Variants in VWF observed in about 807,000 individuals in gnomAD.
The protein encoded by VWF is Factor VIII related antigen.
In VWF, 176 loss-of-function variants were observed where a neutral mutation model predicts 308.6. The ratio of observed to expected loss-of-function variants is 0.57; its 90% CI spans 0.50 to 0.65. VWF has a LOEUF of 0.65. Ranked by LOEUF, VWF falls within the 30% of genes least tolerant of loss-of-function variation. The pLI, the probability that VWF is intolerant of heterozygous loss-of-function variation, is 0.00. For synonymous variants in VWF, 1,385 were observed against 1,443.4 expected, an observed-to-expected ratio of 0.96 and a Z score of 0.92; for missense variants, 3,146 against 3,648.2, an observed-to-expected ratio of 0.86 and a Z score of 3.55.
intron 16 of VWF, among the ~76,000 whole-genome samples, chr12:6,049,414 G>A (rs1226707109): frequency 1.3e-5 from 2 of 152,090 alleles, no homozygotes; most frequent in Non-Finnish European, 2.9e-5. Flanking sequence ...TCACCCAGGG[G>A]CCAAGGCGCA....
At chr12:6,092,618 A>AGT (rs752209524) in intron 6 of VWF, among the ~76,000 whole-genome samples, 1,933 of 66,044 alleles carry the variant, frequency 0.029, 44 homozygotes, top group East Asian at 0.036. Context: ...AGTGAGTGAG[A>AGT]GTGTGTGTGT....
intron 43 of VWF, among the ~76,000 whole-genome samples, chr12:5,973,623 G>T (rs1943502114): frequency 6.6e-6 from 1 of 152,208 alleles, no homozygotes; most frequent in African/African-American, 2.4e-5. Flanking sequence ...AGTGTCCACA[G>T]GCTTCATATA....
rs752329572 is a variant in VWF at position 6,110,426 on chromosome 12, C to T, written c.480G>A (p.Gly160=). ...CAAAGATGTTAAAGTTGCCACACAGCCCGCAGGTCTTGTTGAAGTATCTGT... is the reference window on the plus strand; with the variant it reads ...CAAAGATGTTAAAGTTGCCACACAGTCCGCAGGTCTTGTTGAAGTATCTGT... ...LSDRYFNKTC[G]LCGNFNIFAE... Residue 160 remains glycine (G), a synonymous_variant, in exon 5 of 52, where the codon GGG becomes GGA. Transcript: ENST00000261405. The T allele has an allele frequency of 3.1e-6, 5 of 1,614,086 alleles. No individual in the cohort carries two copies. In the Admixed American group the frequency reaches 6.7e-5, roughly 22 times the overall value.
At chr12:6,110,270 A>G in intron 5 of VWF, 104 bp downstream of exon 5, 1 of 1,225,956 alleles carries the variant, frequency 8.2e-7, no homozygotes. Flanking sequence ...GTGAGGTCAC[A>G]GTGAGGCTTG....
At position 6,063,307 on chromosome 12, in the gene VWF, A is replaced by C. The variant is rs947574990; in HGVS notation, c.1433-253T>G. ...CCCGCTATGACCTGCCATTCCCCCT[A>C]CTGCCACAGGAGGGAGGCAGAGGCT... On this transcript the variant is annotated intron_variant, in intron 12 of 51. Transcript: ENST00000261405. This position sits in a 1 kb window ranked among gnomAD's most constrained non-coding sequence, Gnocchi z 4.9. Among the ~76,000 whole-genome samples the C allele has an allele frequency of 6.6e-6, 1 of 152,086 alleles. No individual in the cohort carries two copies. The highest frequency in any genetic ancestry group is 2.4e-5 in the African/African-American group (1 of 41,392).
At position 5,967,506 on chromosome 12, in the gene VWF, T is replaced by C; in HGVS notation, c.7867A>G (p.Thr2623Ala). 6.2e-7 allele frequency: 1 copy of C among 1,614,046 alleles called. No homozygotes were observed. The highest frequency in any genetic ancestry group is 8.5e-7 in the Non-Finnish European group (1 of 1,179,982). The part of the protein sequence containing the change: ...SGFKLECRKT[T>A]CNPCPLGYKE... ...CTTACCAGGGGGCAGGGGTTGCAGGTGGTCTTCCTGCACTCCAGCTTGAAT... is the reference window on the plus strand; with the variant it reads ...CTTACCAGGGGGCAGGGGTTGCAGGCGGTCTTCCTGCACTCCAGCTTGAAT... The change falls in exon 47 of 52, where the codon ACC becomes GCC. Residue 2623 changes from threonine (T) to alanine (A), a missense_variant. This residue lies in a region of VWF where 989 missense variants were observed against 1,117.4 expected (regional missense o/e 0.89). Coordinates refer to ENST00000261405, the MANE Select transcript of VWF (RefSeq NM_000552.5).
chr12:5,986,499 A>AAT (rs1338348761), intron 38 of VWF, among the ~76,000 whole-genome samples: 15 of 152,242 alleles, frequency 9.9e-5, no homozygotes, highest in African/African-American at 3.4e-4. Flanking sequence ...CCAGTAGCTC[A>AAT]AAGGCCTCTA....
At chr12:6,034,557 G>T in intron 20 of VWF, 131 bp downstream of exon 20, 1 of 1,397,298 alleles carries the variant, frequency 7.2e-7, no homozygotes, top group Non-Finnish European at 9.9e-7. Context: ...TGAAGGACTG[G>T]GAAGTACTCC....
chr12:6,027,694 C>G (rs1447907641), intron 22 of VWF, among the ~76,000 whole-genome samples: 1 of 152,166 alleles, frequency 6.6e-6, no homozygotes, highest in East Asian at 1.9e-4. Context: ...GAAAAGGGAC[C>G]TCTCTCAGAG....
In VWF at chr12:6,024,292, T is replaced by C. The variant is rs1020888623; in HGVS notation, c.3223-505A>G. Among the ~76,000 whole-genome samples, 4 of 152,200 alleles carry C rather than the reference T, an allele frequency of 2.6e-5. No homozygotes were observed. Among genetic ancestry groups the C allele is most frequent in the African/African-American group, 9.7e-5 (4 of 41,446 alleles). ...CAGGACAATAGGGCCTAGACTCTGATTCCAAATCCAGTTCAACCAGTTCCA... is the reference window on the plus strand; with the variant it reads ...CAGGACAATAGGGCCTAGACTCTGACTCCAAATCCAGTTCAACCAGTTCCA... On this transcript the variant is annotated intron_variant, in intron 24 of 51. Coordinates refer to ENST00000261405, the MANE Select transcript of VWF (RefSeq NM_000552.5). This position sits in a 1 kb window ranked among gnomAD's most constrained non-coding sequence, Gnocchi z 4.0.
chr12:5,962,446 A>G (rs1440692004), intron 47 of VWF, among the ~76,000 whole-genome samples: 1 of 152,122 alleles, frequency 6.6e-6, no homozygotes, highest in Non-Finnish European at 1.5e-5. Flanking sequence ...CCATAAAGTT[A>G]CAGTAATCAA....
At chr12:6,066,557 C>A (rs1014842076) in intron 10 of VWF, among the ~76,000 whole-genome samples, 2 of 152,276 alleles carry the variant, frequency 1.3e-5, no homozygotes, top group Admixed American at 1.3e-4. Flanking sequence ...CTGAGACCCT[C>A]CAAACAGCGG....
intron 22 of VWF, among the ~76,000 whole-genome samples, chr12:6,028,695 C>T (rs2136423892): frequency 6.6e-6 from 1 of 152,266 alleles, no homozygotes; most frequent in East Asian, 1.9e-4. Context: ...AAATCCTTTA[C>T]AGACAAGCAA....
At chr12:5,983,401 G>GGATAGATATATA in intron 40 of VWF, 147 bp from the exon 41 acceptor site, 1 of 479,326 alleles carries the variant, frequency 2.1e-6, no homozygotes, top group Non-Finnish European at 3.9e-6. Context: ...ACATGGGTTA[G>GGATAGATATATA]GATAGATAGA....
intron 47 of VWF, among the ~76,000 whole-genome samples, chr12:5,961,128 C>G: frequency 6.6e-6 from 1 of 152,180 alleles, no homozygotes; most frequent in East Asian, 1.9e-4. Context: ...CCCATCGCCC[C>G]TAGATGGGAC....
Position 5,969,368 on chromosome 12 carries a change from C to T in VWF, c.7572G>A (p.Pro2524=), listed in dbSNP as rs562305031. The change falls in exon 45 of 52, where the codon CCG becomes CCA. Residue 2524 remains proline (P), a synonymous_variant. Coordinates refer to ENST00000261405, the MANE Select transcript of VWF (RefSeq NM_000552.5). ...ACTCATTGATGAGGCAGGGGTTCTCCGGGGAGGCCCACTGGGAGCCGACCT... is the reference window on the plus strand; with the variant it reads ...ACTCATTGATGAGGCAGGGGTTCTCTGGGGAGGCCCACTGGGAGCCGACCT... ...WKSVGSQWAS[P]ENPCLINECV... 101 of 1,614,162 alleles carry T rather than the reference C, an allele frequency of 6.3e-5. No homozygotes were observed. Among genetic ancestry groups the T allele is most frequent in the South Asian group, 5.6e-4 (51 of 91,076 alleles).
At chr12:6,114,299 C>T (rs1033722131) in intron 3 of VWF, among the ~76,000 whole-genome samples, 1 of 152,174 alleles carries the variant, frequency 6.6e-6, no homozygotes, top group African/African-American at 2.4e-5. Flanking sequence ...GGCTGCTGAT[C>T]TACAGCTCTT....
At chr12:5,987,159 C>G (rs955822811) in intron 38 of VWF, among the ~76,000 whole-genome samples, 1 of 152,100 alleles carries the variant, frequency 6.6e-6, no homozygotes, top group African/African-American at 2.4e-5. Flanking sequence ...AATTCCTGAC[C>G]TCAAGTGATC....
In VWF at chr12:6,000,811, CAAAAAAA is replaced by C. The variant is rs71064181; in HGVS notation, c.5843-4596_5843-4590del. Among the ~76,000 whole-genome samples, 521 of 69,824 alleles carry C rather than the reference CAAAAAAA, an allele frequency of 7.5e-3. 1 individual carries two copies. The highest frequency in any genetic ancestry group is 0.017 in the African/African-American group (298 of 17,572). 45.8% of individuals were successfully genotyped at this position (69,824 alleles called of 152,430 possible). A position where few individuals can be genotyped will look rare whatever the true frequency, so the allele number is the denominator to read the frequency against. On this transcript the variant is annotated intron_variant, in intron 34 of 51. Transcript: ENST00000261405. Reference sequence around the variant, plus strand: ...TGAGCCACAGAGCGAGACTCTGTCTCAAAAAAAAAAAAAAAAAAAAAAAGAAATCTAC... The same window carrying C: ...TGAGCCACAGAGCGAGACTCTGTCTCAAAAAAAAAAAAAAAAGAAATCTAC...
Sources: allele counts gnomAD v4.1 joint callset (sites outside exome capture counted in the v4.1 genomes callset), GRCh38; gene constraint gnomAD v4.1.1; regional missense constraint gnomAD v4.1.1; non-coding constraint Gnocchi (gnomAD v3.1); transcripts MANE v1.5; gene names NCBI Gene and HGNC (gene_info 2026-07-23, HGNC 2026-07-21).